The following PRKN variants were observed in gnomAD, a reference collection of about 807,000 sequenced individuals.
PRKN encodes E3 ubiquitin-protein ligase parkin.
PRKN carries 56 observed loss-of-function variants against 59.5 expected under a neutral mutation model. The observed-to-expected ratio is 0.94, with a 90% CI of 0.76 to 1.18. The LOEUF is 1.18. Ranked by LOEUF, PRKN falls within the 50% of genes most tolerant of loss-of-function variation. The pLI is 0.00. For synonymous variants in PRKN, 250 were observed against 222.1 expected (o/e 1.13, Z -1.12); for missense variants, 657 against 596.4 (o/e 1.10, Z -1.06).
intron 7 of PRKN, among the ~76,000 whole-genome samples, chr6:161,715,790 T>G (rs1391951520): frequency 6.6e-6 from 1 of 152,122 alleles, no homozygotes; most frequent in African/African-American, 2.4e-5. Context: ...CCCCAGTCAC[T>G]GGGGGGAATG....
intron 1 of PRKN, among the ~76,000 whole-genome samples, chr6:162,540,580 G>A (rs1025058660): frequency 2.6e-5 from 4 of 151,962 alleles, no homozygotes; most frequent in Non-Finnish European, 5.9e-5. Flanking sequence ...GGCTGAGGCA[G>A]GTGATCACCT....
chr6:162,276,863 G>A (rs1372112228), intron 2 of PRKN, among the ~76,000 whole-genome samples: 2 of 151,964 alleles, frequency 1.3e-5, no homozygotes, highest in African/African-American at 4.8e-5. Context: ...CCTCACGTGT[G>A]GATAAATCAT....
At chr6:162,312,395 C>T (rs550414763) in intron 2 of PRKN, among the ~76,000 whole-genome samples, 7 of 152,148 alleles carry the variant, frequency 4.6e-5, no homozygotes, top group African/African-American at 1.7e-4. Context: ...ATTTAGAATC[C>T]CATTCCTACC....
intron 5 of PRKN, among the ~76,000 whole-genome samples, chr6:162,045,212 C>T (rs1447918603): frequency 6.6e-6 from 1 of 152,166 alleles, no homozygotes; most frequent in Non-Finnish European, 1.5e-5. Flanking sequence ...ACTAGCACAA[C>T]AAATCAATGT....
intron 7 of PRKN, among the ~76,000 whole-genome samples, chr6:161,748,029 G>A (rs1045156455): frequency 6.6e-6 from 1 of 152,188 alleles, no homozygotes. Context: ...GTATTACACA[G>A]CTTTGAGATC....
At chr6:161,366,241 G>A (rs867761287) in intron 10 of PRKN, among the ~76,000 whole-genome samples, 3 of 152,304 alleles carry the variant, frequency 2.0e-5, no homozygotes, top group African/African-American at 7.2e-5. Flanking sequence ...CAGATCTAGA[G>A]CCTGAGGTTG....
intron 9 of PRKN, among the ~76,000 whole-genome samples, chr6:161,408,487 T>A (rs1427670705): frequency 1.1e-4 from 16 of 151,426 alleles, no homozygotes; most frequent in Non-Finnish European, 2.4e-4. Context: ...TTTTCCTTTT[T>A]TTTTTTTTTT....
chr6:162,235,986 A>G (rs1392649097), intron 3 of PRKN, among the ~76,000 whole-genome samples: 3 of 100,684 alleles, frequency 3.0e-5, no homozygotes, highest in African/African-American at 9.3e-5. Context: ...AGAAAGAAAG[A>G]AAGAAAGAAA....
At position 161,470,398 on chromosome 6, in the gene PRKN, C is replaced by G. The variant is rs1303381136; in HGVS notation, c.1083+78456G>C. Among the ~76,000 whole-genome samples the G allele has an allele frequency of 6.6e-6, 1 of 152,158 alleles. No individual in the cohort carries two copies. Among genetic ancestry groups the G allele is most frequent in the African/African-American group, 2.4e-5 (1 of 41,434 alleles). ...GAGTGGTGGAAGACCTGAGGTTTTC[C>G]TCTAGGTAGAAGGAACTCCCATTAT... On this transcript the variant is annotated intron_variant, in intron 9 of 11. Coordinates refer to ENST00000366898, the MANE Select transcript of PRKN (RefSeq NM_004562.3). The surrounding 1 kb of genome is among the most constrained non-coding windows in gnomAD (Gnocchi z 5.1).
At chr6:162,327,341 T>C (rs1783338020) in intron 2 of PRKN, among the ~76,000 whole-genome samples, 1 of 152,196 alleles carries the variant, frequency 6.6e-6, no homozygotes, top group Non-Finnish European at 1.5e-5. Flanking sequence ...AGTTTTGTTG[T>C]GTTTTATTTT....
chr6:161,488,320 A>G lies in PRKN; in HGVS notation c.1083+60534T>C, dbSNP rs764320083. On this transcript the variant is annotated intron_variant, in intron 9 of 11. Coordinates refer to ENST00000366898, the MANE Select transcript of PRKN (RefSeq NM_004562.3). The surrounding 1 kb of genome is among the most constrained non-coding windows in gnomAD (Gnocchi z 4.5). ...CAAGGGGAAAGTGATCGGGCCGAGG[A>G]CAGAAGGCCAGGTCACATAGGTCTT... 6.6e-6 allele frequency among the ~76,000 whole-genome samples: 1 copy of G among 152,148 alleles called. No individual in the cohort carries two copies. The highest frequency in any genetic ancestry group is 1.5e-5 in the Non-Finnish European group (1 of 68,036).
intron 2 of PRKN, among the ~76,000 whole-genome samples, chr6:162,349,195 C>T (rs543951578): frequency 2.6e-4 from 39 of 151,708 alleles, no homozygotes; most frequent in Non-Finnish European, 3.8e-4. Context: ...TGGCCTGGCA[C>T]GGTGGCTCAC....
intron 2 of PRKN, among the ~76,000 whole-genome samples, chr6:162,406,942 C>A (rs1788103190): frequency 6.6e-6 from 1 of 152,130 alleles, no homozygotes; most frequent in Non-Finnish European, 1.5e-5. Context: ...TTCCAACTTT[C>A]TGCCAGGTTT....
At chr6:162,712,443 C>T (rs1778572067) in intron 1 of PRKN, among the ~76,000 whole-genome samples, 1 of 152,202 alleles carries the variant, frequency 6.6e-6, no homozygotes, top group Non-Finnish European at 1.5e-5. Context: ...GCAATGCAAA[C>T]CTACTGCATG....
At chr6:161,746,453 A>G (rs553752773) in intron 7 of PRKN, among the ~76,000 whole-genome samples, 53 of 151,920 alleles carry the variant, frequency 3.5e-4, no homozygotes, top group African/African-American at 1.3e-3. Flanking sequence ...CTAATGCTCA[A>G]ACAGACACAT....
rs1779869630 is a variant in PRKN at position 161,548,380 on chromosome 6, A to C, written c.1083+474T>G. 6.6e-6 allele frequency among the ~76,000 whole-genome samples: 1 copy of C among 152,170 alleles called. No homozygotes were observed. The highest frequency in any genetic ancestry group is 2.4e-5 in the African/African-American group (1 of 41,438). Reference sequence around the variant, plus strand: ...GTTTTGTTCATCTCTACTTAAAATGATTTTTATGACATAATAACATTTCAA... The same window carrying C: ...GTTTTGTTCATCTCTACTTAAAATGCTTTTTATGACATAATAACATTTCAA... On this transcript the variant is annotated intron_variant, in intron 9 of 11. Coordinates refer to ENST00000366898, the MANE Select transcript of PRKN (RefSeq NM_004562.3). The surrounding 1 kb of genome is among the most constrained non-coding windows in gnomAD (Gnocchi z 4.2).
At chr6:162,178,556 C>T (rs115647009) in intron 4 of PRKN, among the ~76,000 whole-genome samples, 1 of 152,202 alleles carries the variant, frequency 6.6e-6, no homozygotes, top group Non-Finnish European at 1.5e-5. Flanking sequence ...CAAGTACCTA[C>T]TACCAAGCTA....
intron 4 of PRKN, among the ~76,000 whole-genome samples, chr6:162,193,293 T>A (rs1273820994): frequency 6.6e-6 from 1 of 152,090 alleles, no homozygotes; most frequent in Non-Finnish European, 1.5e-5. Flanking sequence ...TACAGAAGAG[T>A]AACAACGAAT....
At chr6:161,877,511 G>A (rs1195078714) in intron 6 of PRKN, among the ~76,000 whole-genome samples, 1 of 150,490 alleles carries the variant, frequency 6.6e-6, no homozygotes, top group African/African-American at 2.5e-5. Flanking sequence ...CCAGGCTGGA[G>A]TGCAGTGGCG....
Sources: allele counts gnomAD v4.1 joint callset (sites outside exome capture counted in the v4.1 genomes callset), GRCh38; gene constraint gnomAD v4.1.1; non-coding constraint Gnocchi (gnomAD v3.1); transcripts MANE v1.5; gene names NCBI Gene and HGNC (gene_info 2026-07-23, HGNC 2026-07-21).